Variants in PODN observed in about 807,000 individuals in gnomAD.
The protein encoded by PODN is podocan proteoglycan.
A neutral mutation model predicts 52.7 loss-of-function variants in PODN; 40 were observed. The ratio of observed to expected loss-of-function variants is 0.76; its 90% confidence interval spans 0.59 to 0.99. The LOEUF (loss-of-function observed/expected upper bound fraction) is 0.99. PODN is among the 50% of genes least tolerant of loss of function. PODN has a pLI of 0.00. For synonymous variants in PODN, 396 were observed against 377.9 expected (o/e 1.05, Z -0.56); for missense variants, 720 against 815.1 (o/e 0.88, Z 1.42).
At chr1:53,068,557 T>G (rs1644066491) in intron 1 of PODN, among the ~76,000 whole-genome samples, 1 of 152,220 alleles carries the variant, frequency 6.6e-6, no homozygotes, top group African/African-American at 2.4e-5. Context: ...CCTCATCACC[T>G]AAAAGCCAGG....
chr1:53,074,799 GCCCT>G, intron 4 of PODN, 129 bp downstream of exon 4: 6 of 603,900 alleles, frequency 9.9e-6, no homozygotes, highest in South Asian at 3.9e-5. Flanking sequence ...CTCAGACATG[GCCCT>G]GGGTCGGGGG....
intron 10 of PODN, among the ~76,000 whole-genome samples, chr1:53,083,348 C>T (rs957190332): frequency 5.9e-5 from 9 of 152,184 alleles, no homozygotes; most frequent in Admixed American, 2.0e-4. Context: ...ATCTTCCACA[C>T]GCACCCTCTT....
chr1:53,069,932 G>A lies in PODN; in HGVS notation c.77G>A (p.Arg26Lys). Reference sequence around the variant, plus strand: ...CACCTGGGACCTGTGCTTGCCGTGAGGGCCCCAGGATTTGGCCGAAGTGGC... The same window carrying A: ...CACCTGGGACCTGTGCTTGCCGTGAAGGCCCCAGGATTTGGCCGAAGTGGC... ...QLHLGPVLAV[R>K]APGFGRSGGH... Residue 26 changes from arginine (R) to lysine (K), a missense_variant, in exon 2 of 11, where the codon AGG becomes AAG. By Grantham distance (26) the Arg-to-Lys change is conservative. Coordinates refer to ENST00000312553, the MANE Select transcript of PODN (RefSeq NM_153703.5). The A allele has an allele frequency of 2.5e-6, 4 of 1,584,932 alleles. No individual in the cohort carries two copies. The highest frequency in any genetic ancestry group is 3.4e-6 in the Non-Finnish European group (4 of 1,165,996).
intron 10 of PODN, among the ~76,000 whole-genome samples, chr1:53,083,087 C>T (rs1207501679): frequency 1.3e-5 from 2 of 152,312 alleles, no homozygotes; most frequent in East Asian, 3.9e-4. Context: ...ATTTTTCCAC[C>T]TGGAGGCTGT....
intron 2 of PODN, 45 bp from the exon 3 acceptor site, chr1:53,071,490 C>T (rs1327138756): frequency 4.0e-6 from 6 of 1,511,228 alleles, no homozygotes; most frequent in Middle Eastern, 1.7e-4. Context: ...CAGGGCACAC[C>T]CCACTAGGCT....
chr1:53,073,274 T>C (rs761156218), intron 3 of PODN: 89 of 198,252 alleles, frequency 4.5e-4, no homozygotes, highest in Admixed American at 1.7e-3. Context: ...TATGCAACAA[T>C]GGCTGCAAAG....
At position 53,084,850 on chromosome 1, in the gene PODN, C is replaced by A. The variant is rs1644340342; in HGVS notation, c.*365C>A. The A allele has an allele frequency of 6.6e-6, 1 of 152,416 alleles. No individual in the cohort carries two copies. The highest frequency in any genetic ancestry group is 1.5e-5 in the Non-Finnish European group (1 of 68,104). 9.4% of individuals were successfully genotyped at this position (152,416 alleles called of 1,614,324 possible). A position where few individuals can be genotyped will look rare whatever the true frequency, so the allele number is the denominator to read the frequency against. On this transcript the variant is annotated 3_prime_UTR_variant, in exon 11 of 11. Coordinates refer to ENST00000312553, the MANE Select transcript of PODN (RefSeq NM_153703.5). ...CACACACAGGCACCCATTCCCTCCC[C>A]CTGCTGACATGTGTATGCGTATGCA...
Position 53,078,758 on chromosome 1 carries a change from C to T in PODN, c.1248C>T (p.Ile416=), listed in dbSNP as rs1199134826. Residue 416 remains isoleucine (I), a synonymous_variant, in exon 8 of 11, where the codon ATC becomes ATT. Coordinates refer to ENST00000312553, the MANE Select transcript of PODN (RefSeq NM_153703.5). ...AGCTCAACCTCAGCTACAACCGCAT[C>T]ACCAGCCCGCAGGTGCACCGCGACG... ...LEELNLSYNR[I]TSPQVHRDAF... 6.2e-7 allele frequency: 1 copy of T among 1,613,382 alleles called. No individual in the cohort carries two copies. The highest frequency in any genetic ancestry group is 8.5e-7 in the Non-Finnish European group (1 of 1,179,964).
chr1:53,079,417 G>A (rs1644251336), intron 8 of PODN, among the ~76,000 whole-genome samples: 1 of 152,208 alleles, frequency 6.6e-6, no homozygotes, highest in African/African-American at 2.4e-5. Context: ...GGAGGACCGG[G>A]GGCCAGTTCG....
Position 53,071,529 on chromosome 1 carries a change from C to G in PODN, c.313-6C>G, listed in dbSNP as rs535841469. 2.2e-4 allele frequency: 361 copies of G among 1,612,564 alleles called. No homozygotes were observed. The highest frequency in any genetic ancestry group is 3.0e-4 in the Non-Finnish European group (353 of 1,179,204). On this transcript the variant is annotated splice_region_variant and splice_polypyrimidine_tract_variant and intron_variant, in intron 2 of 10. Transcript: ENST00000312553. The stretch of plus-strand genomic sequence containing the variant: ...GCTGCTTCCTTGCGGCCCCCTACCC[C>G]CCTAGAACAACCAGCTGGAAAAGAT...
Position 53,070,088 on chromosome 1 carries a change from G to A in PODN, c.233G>A (p.Gly78Asp), listed in dbSNP as rs774217985. ...CPRDCACSQEGVVDCGGIDLR... is the reference protein window; with the variant it reads ...CPRDCACSQEDVVDCGGIDLR... ...CGAGACTGTGCCTGTTCCCAGGAGG[G>A]CGTCGTGGACTGTGGCGGTATTGAC... The change falls in exon 2 of 11, where the codon GGC (glycine) becomes GAC (aspartate). Residue 78 changes from glycine (G) to aspartate (D), a missense_variant. Physicochemically the swap from Gly to Asp is moderately conservative, Grantham distance 94. Transcript: ENST00000312553. 1 of 1,612,846 alleles carries A rather than the reference G, an allele frequency of 6.2e-7. No individual in the cohort carries two copies. The highest frequency in any genetic ancestry group is 8.5e-7 in the Non-Finnish European group (1 of 1,180,022).
chr1:53,077,196 G>A lies in PODN; in HGVS notation c.588G>A (p.Val196=). The A allele has an allele frequency of 6.2e-7, 1 of 1,613,200 alleles. No homozygotes were observed. Among genetic ancestry groups the A allele is most frequent in the Non-Finnish European group, 8.5e-7 (1 of 1,179,948 alleles). The stretch of plus-strand genomic sequence containing the variant: ...CCTGTGCCTTGACCCCCAGGTCTGT[G>A]TACCTGCACAACAACAAGCTGGCAG... ...TFGQKPNLRS[V]YLHNNKLADA... is the part of the protein sequence containing the mutation. Residue 196 remains valine (V), a synonymous_variant, in exon 6 of 11, where the codon GTG becomes GTA. Transcript: ENST00000312553.
At position 53,071,527 on chromosome 1, in the gene PODN, C is replaced by G; in HGVS notation, c.313-8C>G. ...ATGCTGCTTCCTTGCGGCCCCCTAC[C>G]CCCCTAGAACAACCAGCTGGAAAAG... On this transcript the variant is annotated splice_region_variant and splice_polypyrimidine_tract_variant and intron_variant, in intron 2 of 10. Coordinates refer to ENST00000312553, the MANE Select transcript of PODN (RefSeq NM_153703.5). The G allele has an allele frequency of 1.2e-6, 2 of 1,611,778 alleles. No homozygotes were observed. Among genetic ancestry groups the G allele is most frequent in the Non-Finnish European group, 1.7e-6 (2 of 1,178,510 alleles).
chr1:53,081,629 C>A (rs1363927796), intron 9 of PODN, among the ~76,000 whole-genome samples: 2 of 152,234 alleles, frequency 1.3e-5, no homozygotes, highest in Non-Finnish European at 2.9e-5. Flanking sequence ...GCGGTGACCC[C>A]TGGCTACCGC....
chr1:53,077,697 G>A lies in PODN; in HGVS notation c.751G>A (p.Glu251Lys), dbSNP rs746082050. 1 of 1,613,010 alleles carries A rather than the reference G, an allele frequency of 6.2e-7. No homozygotes were observed. The highest frequency in any genetic ancestry group is 8.5e-7 in the Non-Finnish European group (1 of 1,179,680). Residue 251 changes from glutamate to lysine, a missense_variant, in exon 7 of 11, where the codon GAG (glutamate) becomes AAG (lysine). By Grantham distance (56) the Glu-to-Lys change is moderately conservative (BLOSUM62 1). Coordinates refer to ENST00000312553, the MANE Select transcript of PODN (RefSeq NM_153703.5). ...YKLHLKNNKL[E>K]KIPPGAFSEL... ...TTCCATCCCCCAGAACAACAAGCTG[G>A]AGAAGATCCCCCCGGGGGCCTTCAG...
intron 10 of PODN, 52 bp downstream of exon 10, chr1:53,082,240 T>G: frequency 7.0e-7 from 1 of 1,430,542 alleles, no homozygotes; most frequent in Non-Finnish European, 9.2e-7. Context: ...CATTTTCCCC[T>G]TCCTGACCCT....
intron 1 of PODN, chr1:53,066,954 G>A: frequency 7.3e-7 from 1 of 1,360,836 alleles, no homozygotes; most frequent in South Asian, 1.3e-5. Flanking sequence ...TGGGACCTGG[G>A]CCTGTGCCCA....
At chr1:53,064,576 T>C (rs1644005776) in intron 1 of PODN, among the ~76,000 whole-genome samples, 1 of 152,146 alleles carries the variant, frequency 6.6e-6, no homozygotes, top group Non-Finnish European at 1.5e-5. Context: ...GCCTCTTGAT[T>C]TGGGGCTCCC....
chr1:53,064,326 G>A (rs528139125), intron 1 of PODN, among the ~76,000 whole-genome samples: 3 of 152,242 alleles, frequency 2.0e-5, no homozygotes, highest in Non-Finnish European at 2.9e-5. Context: ...AGCCAAGGGG[G>A]CAGGAGAGGC....
Sources: allele counts gnomAD v4.1 joint callset (sites outside exome capture counted in the v4.1 genomes callset), GRCh38; gene constraint gnomAD v4.1.1; transcripts MANE v1.5; gene names NCBI Gene and HGNC (gene_info 2026-07-23, HGNC 2026-07-21).